The following VSX2 variants were observed in gnomAD, a reference collection of about 807,000 sequenced individuals.
The protein encoded by VSX2 is visual system homeobox 2, also known as ceh-10 homeo domain containing homolog.
VSX2 carries 28 observed loss-of-function variants against 32.1 expected under a neutral mutation model. That is an observed-to-expected ratio of 0.87 (90% CI 0.65 to 1.20). The LOEUF (loss-of-function observed/expected upper bound fraction) is 1.20, where lower values mean the gene tolerates loss of function less well. VSX2 is among the 50% of genes most tolerant of loss of function. The pLI is 0.00. For synonymous variants in VSX2, 243 were observed against 214.1 expected (o/e 1.14, Z -1.18); for missense variants, 506 against 488.7 (o/e 1.04, Z -0.33).
intron 3 of VSX2, among the ~76,000 whole-genome samples, chr14:74,258,451 G>C (rs774757264): frequency 2.8e-4 from 42 of 152,160 alleles, no homozygotes; most frequent in Non-Finnish European, 5.6e-4. Context: ...AGGAAATCGG[G>C]AGGAAATGAA....
chr14:74,241,378 G>A, intron 2 of VSX2, 112 bp downstream of exon 2: 2 of 1,210,878 alleles, frequency 1.7e-6, no homozygotes, highest in Non-Finnish European at 2.4e-6. Flanking sequence ...TCTGAGGTCC[G>A]AGGCCGTGCC....
intron 3 of VSX2, among the ~76,000 whole-genome samples, chr14:74,259,115 G>C (rs1479624774): frequency 6.6e-6 from 1 of 152,130 alleles, no homozygotes; most frequent in Admixed American, 6.5e-5. Context: ...CCTGCCCTTT[G>C]TCCCTGATCC....
intron 3 of VSX2, 61 bp downstream of exon 3, chr14:74,245,349 C>T: frequency 1.2e-6 from 2 of 1,606,844 alleles, no homozygotes; most frequent in East Asian, 2.2e-5. Context: ...TCTACCACTC[C>T]AGGGTTCCAG....
intron 3 of VSX2, among the ~76,000 whole-genome samples, chr14:74,257,714 C>CG (rs1404729534): frequency 1.0e-4 from 15 of 149,938 alleles, no homozygotes; most frequent in Middle Eastern, 3.6e-3. Flanking sequence ...GGACCACCCC[C>CG]CACCCACTTC....
chr14:74,247,141 AC>A (rs1182729369), intron 3 of VSX2, among the ~76,000 whole-genome samples: 1 of 152,020 alleles, frequency 6.6e-6, no homozygotes, highest in Non-Finnish European at 1.5e-5. Context: ...CCTGAATGCT[AC>A]CCCCAGAAGC....
chr14:74,240,921 C>T (rs1302497027), intron 1 of VSX2, among the ~76,000 whole-genome samples: 1 of 152,160 alleles, frequency 6.6e-6, no homozygotes, highest in Non-Finnish European at 1.5e-5. Flanking sequence ...CGCTCTCCGT[C>T]GTCCCGGTCC....
intron 4 of VSX2, 43 bp downstream of exon 4, chr14:74,259,825 G>A (rs1463627395): frequency 1.3e-6 from 2 of 1,589,348 alleles, no homozygotes; most frequent in African/African-American, 2.7e-5. Context: ...CTGCGGTGAG[G>A]AGAGCGGGCT....
At chr14:74,255,505 GGA>G (rs1405701365) in intron 3 of VSX2, among the ~76,000 whole-genome samples, 1 of 152,184 alleles carries the variant, frequency 6.6e-6, no homozygotes, top group Non-Finnish European at 1.5e-5. Flanking sequence ...GGCTCCCCTG[GGA>G]GAGAGTCTGT....
At chr14:74,255,880 G>A (rs867362323) in intron 3 of VSX2, among the ~76,000 whole-genome samples, 12 of 152,106 alleles carry the variant, frequency 7.9e-5, no homozygotes, top group African/African-American at 2.2e-4. Context: ...GGCAAAAACC[G>A]GACCAGACCT....
intron 3 of VSX2, among the ~76,000 whole-genome samples, chr14:74,246,738 T>A (rs979268902): frequency 9.9e-5 from 15 of 152,200 alleles, no homozygotes; most frequent in African/African-American, 3.6e-4. Flanking sequence ...ATCCCCGCTG[T>A]TGGCAGGCCC....
chr14:74,240,690 G>A (rs544797304), intron 1 of VSX2, among the ~76,000 whole-genome samples: 38 of 152,328 alleles, frequency 2.5e-4, no homozygotes, highest in African/African-American at 9.1e-4. Flanking sequence ...CGCGTCGCAG[G>A]CTCTCGGGCC....
chr14:74,242,827 A>G (rs1277865699), intron 2 of VSX2, among the ~76,000 whole-genome samples: 2 of 151,970 alleles, frequency 1.3e-5, no homozygotes, highest in African/African-American at 4.8e-5. Context: ...CAGCATGGAG[A>G]GCCCTGGAAA....
intron 2 of VSX2, among the ~76,000 whole-genome samples, chr14:74,241,925 G>T (rs965248936): frequency 1.3e-5 from 2 of 152,178 alleles, no homozygotes; most frequent in Non-Finnish European, 2.9e-5. Flanking sequence ...CTGCATCGGG[G>T]TACAGACTAG....
intron 3 of VSX2, among the ~76,000 whole-genome samples, chr14:74,257,583 G>C (rs2079273013): frequency 6.6e-6 from 1 of 152,288 alleles, no homozygotes; most frequent in East Asian, 1.9e-4. Context: ...CGTGGGATGC[G>C]AGGCTGGCGG....
At chr14:74,240,245 C>G (rs1238967820) in intron 1 of VSX2, among the ~76,000 whole-genome samples, 1 of 152,168 alleles carries the variant, frequency 6.6e-6, no homozygotes, top group Non-Finnish European at 1.5e-5. Flanking sequence ...GCCCGTGGTG[C>G]AGAGTCGCCG....
chr14:74,254,434 G>T lies in VSX2; in HGVS notation c.580-5168G>T, dbSNP rs2079249314. On this transcript the variant is annotated intron_variant, in intron 3 of 4. Coordinates refer to ENST00000261980, the MANE Select transcript of VSX2 (RefSeq NM_182894.3). Reference sequence around the variant, plus strand: ...TGTCTCAAATTTAAAAAAAAAGAAAGAAAAAGAAAAGAAATGTGGGGAGAG... The same window carrying T: ...TGTCTCAAATTTAAAAAAAAAGAAATAAAAAGAAAAGAAATGTGGGGAGAG... 2.0e-5 allele frequency among the ~76,000 whole-genome samples: 3 copies of T among 152,058 alleles called. No individual in the cohort carries two copies. In the East Asian group the frequency reaches 5.8e-4, roughly 29 times the overall value.
intron 4 of VSX2, among the ~76,000 whole-genome samples, chr14:74,260,298 C>T (rs375313496): frequency 3.9e-5 from 6 of 152,190 alleles, no homozygotes; most frequent in Non-Finnish European, 8.8e-5. Context: ...TTCTAAGATC[C>T]GGAATCCCAT....
intron 3 of VSX2, among the ~76,000 whole-genome samples, chr14:74,255,640 AG>A (rs1381872304): frequency 6.6e-6 from 1 of 152,190 alleles, no homozygotes; most frequent in Non-Finnish European, 1.5e-5. Context: ...CCCCTTCTTT[AG>A]TACCCTAAAA....
At chr14:74,244,905 T>TGAGAGAGAGAGAGAGAGAGAGAGAGAGA (rs1566884337) in intron 2 of VSX2, among the ~76,000 whole-genome samples, 1 of 104,166 alleles carries the variant, frequency 9.6e-6, no homozygotes, top group African/African-American at 3.6e-5. Context: ...TGTGTGTGTG[T>TGAGAGAGAGAGAGAGAGAGAGAGAGAGA]GTGTGTGTGT....
Sources: gnomAD v4.1 joint callset for allele counts (sites outside exome capture counted in the v4.1 genomes callset) on GRCh38, gnomAD v4.1.1 for gene constraint, MANE v1.5 for transcripts, NCBI Gene and HGNC (gene_info 2026-07-23, HGNC 2026-07-21) for gene names.